Variants in RASAL2 observed in about 807,000 individuals in gnomAD.
RASAL2 encodes RAS protein activator like 2.
In RASAL2, 58 loss-of-function variants were observed where a neutral mutation model predicts 128.9. The ratio of observed to expected loss-of-function variants is 0.45; its 90% CI spans 0.36 to 0.56. The LOEUF (loss-of-function observed/expected upper bound fraction) is 0.56, where lower values mean the gene tolerates loss of function less well. RASAL2 is among the 20% of genes least tolerant of loss of function. The probability of loss-of-function intolerance (pLI) is 0.00; values close to 1 mark genes in which losing one functional copy is unlikely to be tolerated. For synonymous variants in RASAL2, 561 were observed against 580.8 expected (o/e 0.97, Z 0.49); for missense variants, 1,360 against 1,601.6 (o/e 0.85, Z 2.57).
chr1:178,113,511 A>T (rs1430521861), intron 1 of RASAL2, among the ~76,000 whole-genome samples: 1 of 122,188 alleles, frequency 8.2e-6, no homozygotes, highest in African/African-American at 3.1e-5. Flanking sequence ...CATGCCTGCG[A>T]GTGTGTGTGT....
intron 3 of RASAL2, among the ~76,000 whole-genome samples, chr1:178,311,036 A>G (rs1161961891): frequency 6.6e-6 from 1 of 152,132 alleles, no homozygotes; most frequent in Admixed American, 6.6e-5. Context: ...GTTCTTAGGA[A>G]ACCACTGTGG....
chr1:178,456,407 C>A, intron 12 of RASAL2: 1 of 408,698 alleles, frequency 2.4e-6, no homozygotes, highest in Non-Finnish European at 4.5e-6. Context: ...CTTCGCATGC[C>A]TATTTTAGTT....
intron 3 of RASAL2, among the ~76,000 whole-genome samples, chr1:178,319,551 C>A (rs570438620): frequency 3.3e-4 from 49 of 149,114 alleles, no homozygotes; most frequent in African/African-American, 1.1e-3. Context: ...ATTTCATCTT[C>A]CATTGCTGAT....
chr1:178,247,060 T>A (rs1326862041), intron 1 of RASAL2, among the ~76,000 whole-genome samples: 6 of 152,200 alleles, frequency 3.9e-5, no homozygotes, highest in African/African-American at 1.4e-4. Flanking sequence ...GGTTTTGGAA[T>A]CAGGATGATG....
chr1:178,308,186 C>T (rs1036018364), intron 3 of RASAL2, among the ~76,000 whole-genome samples: 2 of 152,042 alleles, frequency 1.3e-5, no homozygotes, highest in Non-Finnish European at 2.9e-5. Context: ...TTGGTAAATA[C>T]ATTTAAAATT....
chr1:178,478,375 T>C lies in RASAL2; in HGVS notation c.*5136T>C, dbSNP rs988552725. 6.6e-6 allele frequency: 1 copy of C among 152,214 alleles called. No homozygotes were observed. The highest frequency in any genetic ancestry group is 1.5e-5 in the Non-Finnish European group (1 of 68,028). 9.4% of individuals were successfully genotyped at this position (152,214 alleles called of 1,614,324 possible). ...GACTCAATGACCACCTTCAGGAAAGTTAAATAGTAAATTAGGTTAAATTTT... is the reference window on the plus strand; with the variant it reads ...GACTCAATGACCACCTTCAGGAAAGCTAAATAGTAAATTAGGTTAAATTTT... On this transcript the variant is annotated 3_prime_UTR_variant, in exon 18 of 18. Transcript: ENST00000367649.
At chr1:178,335,635 C>T (rs1450217567) in intron 3 of RASAL2, among the ~76,000 whole-genome samples, 2 of 152,212 alleles carry the variant, frequency 1.3e-5, no homozygotes, top group African/African-American at 2.4e-5. Context: ...AAACTGCTCA[C>T]ACATTACACA....
intron 1 of RASAL2, among the ~76,000 whole-genome samples, chr1:178,207,657 T>G (rs1057063169): frequency 6.6e-5 from 10 of 152,178 alleles, no homozygotes; most frequent in Non-Finnish European, 4.4e-5. Flanking sequence ...TAAAACAAGT[T>G]TTATCAGACT....
intron 4 of RASAL2, among the ~76,000 whole-genome samples, chr1:178,410,288 C>G (rs1674278607): frequency 6.6e-6 from 1 of 151,940 alleles, no homozygotes; most frequent in Non-Finnish European, 1.5e-5. Flanking sequence ...ATGATAAGAT[C>G]TAGTGTGTAG....
intron 1 of RASAL2, among the ~76,000 whole-genome samples, chr1:178,224,420 G>A (rs929037319): frequency 3.3e-5 from 5 of 152,014 alleles, no homozygotes; most frequent in African/African-American, 1.2e-4. Flanking sequence ...TTTCACTTCT[G>A]ATACTTAGAA....
intron 3 of RASAL2, among the ~76,000 whole-genome samples, chr1:178,370,334 G>A (rs548952863): frequency 3.3e-5 from 5 of 152,260 alleles, no homozygotes; most frequent in African/African-American, 1.2e-4. Context: ...GGCTACTGAT[G>A]TCCAATCCCA....
intron 1 of RASAL2, among the ~76,000 whole-genome samples, chr1:178,170,002 G>A (rs919400085): frequency 9.2e-5 from 14 of 151,910 alleles, no homozygotes; most frequent in Non-Finnish European, 7.4e-5. Context: ...AATTTCTTCA[G>A]TGTATGATTA....
At chr1:178,282,713 A>G (rs1666840121) in intron 1 of RASAL2, among the ~76,000 whole-genome samples, 1 of 152,202 alleles carries the variant, frequency 6.6e-6, no homozygotes, top group East Asian at 1.9e-4. Context: ...AGTAGTCTCT[A>G]TAGTATATTC....
intron 3 of RASAL2, among the ~76,000 whole-genome samples, chr1:178,319,283 C>T (rs1390195366): frequency 1.3e-5 from 2 of 151,882 alleles, no homozygotes; most frequent in African/African-American, 2.4e-5. Context: ...TGGAGTTGCT[C>T]TTCTCGAGGA....
At chr1:178,333,764 T>A (rs904916939) in intron 3 of RASAL2, among the ~76,000 whole-genome samples, 3 of 152,232 alleles carry the variant, frequency 2.0e-5, no homozygotes, top group African/African-American at 2.4e-5. Flanking sequence ...TTGACTATAC[T>A]AAAAAACAAA....
intron 1 of RASAL2, among the ~76,000 whole-genome samples, chr1:178,165,969 C>T (rs61519364): frequency 0.021 from 3,190 of 152,094 alleles, 100 homozygotes; most frequent in African/African-American, 0.069. Context: ...CTGCATTTCC[C>T]CCCCATCTTT....
intron 2 of RASAL2, among the ~76,000 whole-genome samples, chr1:178,286,035 A>T (rs1667008482): frequency 6.6e-6 from 1 of 152,100 alleles, no homozygotes; most frequent in African/African-American, 2.4e-5. Flanking sequence ...GTAACCCTAA[A>T]CACCTGGGTA....
chr1:178,274,082 G>A (rs966958672), intron 1 of RASAL2, among the ~76,000 whole-genome samples: 1 of 152,160 alleles, frequency 6.6e-6, no homozygotes, highest in Non-Finnish European at 1.5e-5. Flanking sequence ...TGCACTTGAT[G>A]CTATAAATAG....
intron 4 of RASAL2, among the ~76,000 whole-genome samples, chr1:178,396,535 G>C (rs1038646659): frequency 1.3e-5 from 2 of 152,034 alleles, no homozygotes; most frequent in South Asian, 2.1e-4. Flanking sequence ...GATTAAGCTA[G>C]AGTTAGCTAT....
Sources: gnomAD v4.1 joint callset for allele counts (sites outside exome capture counted in the v4.1 genomes callset) on GRCh38, gnomAD v4.1.1 for gene constraint, MANE v1.5 for transcripts, NCBI Gene and HGNC (gene_info 2026-07-23, HGNC 2026-07-21) for gene names.